SNTG1: variants seen among roughly 807,000 people sequenced by gnomAD.
SNTG1 encodes gamma-1-syntrophin.
A neutral mutation model predicts 74.7 loss-of-function variants in SNTG1; 39 were observed. The observed-to-expected ratio is 0.52, with a 90% CI of 0.40 to 0.68. The LOEUF (loss-of-function observed/expected upper bound fraction) is 0.68, where lower values mean the gene tolerates loss of function less well. Ranked by LOEUF, SNTG1 falls within the 30% of genes least tolerant of loss-of-function variation. SNTG1 has a pLI of 0.00. For synonymous variants in SNTG1, 254 were observed against 217.1 expected, an observed-to-expected ratio of 1.17 and a Z score of -1.49; for missense variants, 685 against 609.5, an observed-to-expected ratio of 1.12 and a Z score of -1.30.
intron 8 of SNTG1, among the ~76,000 whole-genome samples, chr8:50,485,116 T>A (rs1480220735): frequency 2.0e-5 from 3 of 152,170 alleles, no homozygotes; most frequent in Admixed American, 6.5e-5. Context: ...ACTTTGCTCA[T>A]TTGAGGAAGT....
intron 4 of SNTG1, among the ~76,000 whole-genome samples, chr8:50,409,575 T>C (rs774011513): frequency 2.6e-5 from 4 of 152,102 alleles, no homozygotes; most frequent in Non-Finnish European, 5.9e-5. Context: ...AAAGCTTCAG[T>C]TAACATACAA....
intron 8 of SNTG1, among the ~76,000 whole-genome samples, chr8:50,451,945 TAAG>T (rs1268606663): frequency 6.6e-6 from 1 of 152,108 alleles, no homozygotes; most frequent in East Asian, 1.9e-4. Context: ...TGAAAGAAAA[TAAG>T]AAATACTGTA....
At chr8:50,097,295 T>C (rs2079963225) in intron 1 of SNTG1, among the ~76,000 whole-genome samples, 1 of 151,272 alleles carries the variant, frequency 6.6e-6, no homozygotes. Flanking sequence ...AGATGCTTAG[T>C]TGTGAATTTG....
intron 1 of SNTG1, among the ~76,000 whole-genome samples, chr8:50,070,916 T>C (rs1821309412): frequency 6.6e-6 from 1 of 152,202 alleles, no homozygotes; most frequent in Non-Finnish European, 1.5e-5. Context: ...CCTTCTCGTC[T>C]CCTTCTTCAT....
chr8:50,266,718 T>C (rs1226712822), intron 2 of SNTG1, among the ~76,000 whole-genome samples: 1 of 25,718 alleles, frequency 3.9e-5, no homozygotes, highest in East Asian at 0.038. Context: ...CAAATGTTAA[T>C]AAGAAATTAA....
intron 9 of SNTG1, among the ~76,000 whole-genome samples, chr8:50,521,959 C>T (rs1483051101): frequency 2.6e-5 from 4 of 152,010 alleles, no homozygotes; most frequent in Admixed American, 6.6e-5. Context: ...CTTCCAAATG[C>T]CTCTTAATAT....
chr8:50,707,349 TA>T (rs2095446695), intron 16 of SNTG1, among the ~76,000 whole-genome samples: 3 of 152,128 alleles, frequency 2.0e-5, no homozygotes, highest in African/African-American at 7.2e-5. Flanking sequence ...ATAGTTTTAA[TA>T]AAGTGCTAAT....
intron 13 of SNTG1, among the ~76,000 whole-genome samples, chr8:50,598,778 T>C (rs904827300): frequency 7.9e-5 from 12 of 152,028 alleles, no homozygotes; most frequent in Admixed American, 4.6e-4. Flanking sequence ...GTTTTTATTA[T>C]AGAGATCTTT....
intron 18 of SNTG1, among the ~76,000 whole-genome samples, chr8:50,767,756 A>G (rs745620379): frequency 6.6e-6 from 1 of 151,906 alleles, no homozygotes; most frequent in Non-Finnish European, 1.5e-5. Flanking sequence ...GAGTCACAAT[A>G]CTTTTCTTTA....
chr8:49,949,866 G>T (rs780867076), intron 1 of SNTG1, among the ~76,000 whole-genome samples: 1 of 152,196 alleles, frequency 6.6e-6, no homozygotes, highest in Non-Finnish European at 1.5e-5. Context: ...TTGGCCAGGC[G>T]CAGTGGCCCA....
chr8:50,018,857 T>C (rs1053308595), intron 1 of SNTG1, among the ~76,000 whole-genome samples: 48 of 152,008 alleles, frequency 3.2e-4, no homozygotes, highest in African/African-American at 1.1e-3. Flanking sequence ...TGTGGAGACA[T>C]TGGATCCTTT....
intron 1 of SNTG1, among the ~76,000 whole-genome samples, chr8:50,075,270 G>T (rs921138962): frequency 2.6e-5 from 4 of 152,176 alleles, no homozygotes; most frequent in African/African-American, 9.7e-5. Flanking sequence ...GGGACTGACT[G>T]ACTGGCGGCC....
chr8:50,385,112 G>A (rs1323721683), intron 2 of SNTG1, among the ~76,000 whole-genome samples: 4 of 152,152 alleles, frequency 2.6e-5, no homozygotes, highest in African/African-American at 9.7e-5. Context: ...CAGCATCCCT[G>A]TCTGCCACTG....
intron 2 of SNTG1, among the ~76,000 whole-genome samples, chr8:50,375,689 A>T (rs950563722): frequency 2.0e-5 from 3 of 152,192 alleles, no homozygotes; most frequent in African/African-American, 7.2e-5. Flanking sequence ...GAACATTTGG[A>T]ATTTTATATT....
chr8:50,569,626 G>C (rs892916110), intron 12 of SNTG1, among the ~76,000 whole-genome samples: 1 of 152,034 alleles, frequency 6.6e-6, no homozygotes, highest in Non-Finnish European at 1.5e-5. Flanking sequence ...AATCATGATG[G>C]AATAAAGACT....
intron 12 of SNTG1, among the ~76,000 whole-genome samples, chr8:50,553,884 T>A (rs1243388925): frequency 6.6e-6 from 1 of 152,126 alleles, no homozygotes; most frequent in Non-Finnish European, 1.5e-5. Context: ...GATAATTATT[T>A]TAGAAAAAGT....
At chr8:50,028,753 T>C (rs1013733312) in intron 1 of SNTG1, among the ~76,000 whole-genome samples, 11 of 152,168 alleles carry the variant, frequency 7.2e-5, no homozygotes, top group East Asian at 5.8e-4. Flanking sequence ...AAAAGAGATA[T>C]AGTTTTTCTA....
intron 1 of SNTG1, among the ~76,000 whole-genome samples, chr8:50,042,229 G>A (rs1818697517): frequency 6.6e-6 from 1 of 151,954 alleles, no homozygotes; most frequent in Non-Finnish European, 1.5e-5. Flanking sequence ...CTCTCTCTGG[G>A]ATCTGTTCCC....
intron 2 of SNTG1, among the ~76,000 whole-genome samples, chr8:50,256,163 G>GTTTATACATTCCCATT (rs2086871715): frequency 6.6e-6 from 1 of 150,788 alleles, no homozygotes; most frequent in Admixed American, 6.7e-5. Flanking sequence ...GTGTCTTTTT[G>GTTTATACATTCCCATT]TTTATACATT....
Sources: gnomAD v4.1 joint callset for allele counts (sites outside exome capture counted in the v4.1 genomes callset) on GRCh38, gnomAD v4.1.1 for gene constraint, MANE v1.5 for transcripts, NCBI Gene and HGNC (gene_info 2026-07-23, HGNC 2026-07-21) for gene names.